Variants in MSI2 observed in about 807,000 individuals in gnomAD.
MSI2 encodes RNA-binding protein Musashi homolog 2.
A neutral mutation model predicts 45.6 loss-of-function variants in MSI2; 17 were observed. The observed-to-expected ratio is 0.37, with a 90% CI of 0.26 to 0.56. The LOEUF is 0.56. MSI2 is among the 20% of genes least tolerant of loss of function. The pLI is 0.77. For synonymous variants in MSI2, 156 were observed against 158.2 expected (o/e 0.99, Z 0.11); for missense variants, 293 against 444.2 (o/e 0.66, Z 3.06).
chr17:57,264,040 A>G (rs1907552974), intron 5 of MSI2: 1 of 152,214 alleles, frequency 6.6e-6, no homozygotes, highest in Non-Finnish European at 1.5e-5. Flanking sequence ...GCTCATCTGT[A>G]AAGTAGGAGT....
At position 57,682,620 on chromosome 17, in the gene MSI2, A is replaced by G. The variant is rs201154481; in HGVS notation, c.*3103A>G. ...GTTTAAGGTTCACGTTAGTCCCCCCATTCCATCTAGAAGTCCATTTTGAAA... is the reference window on the plus strand; with the variant it reads ...GTTTAAGGTTCACGTTAGTCCCCCCGTTCCATCTAGAAGTCCATTTTGAAA... On this transcript the variant is annotated 3_prime_UTR_variant, in exon 14 of 14. Coordinates refer to ENST00000284073, the MANE Select transcript of MSI2 (RefSeq NM_138962.4). 1 of 212,588 alleles carries G rather than the reference A, an allele frequency of 4.7e-6. No individual in the cohort carries two copies. The highest frequency in any genetic ancestry group is 2.3e-5 in the African/African-American group (1 of 44,102). 13.2% of individuals were successfully genotyped at this position (212,588 alleles called of 1,614,324 possible). A position where few individuals can be genotyped will look rare whatever the true frequency, so the allele number is the denominator to read the frequency against.
At chr17:57,494,829 C>G (rs556869916) in intron 6 of MSI2, among the ~76,000 whole-genome samples, 1 of 151,982 alleles carries the variant, frequency 6.6e-6, no homozygotes, top group Non-Finnish European at 1.5e-5. Flanking sequence ...ATGCTGGACA[C>G]CAGGGATAAA....
chr17:57,286,095 T>A, intron 5 of MSI2: 1 of 948,224 alleles, frequency 1.1e-6, no homozygotes, highest in Non-Finnish European at 1.5e-6. Context: ...TCTTTATTTT[T>A]TCTTTCTTTC....
intron 5 of MSI2, among the ~76,000 whole-genome samples, chr17:57,304,024 C>T (rs995414033): frequency 2.0e-5 from 3 of 151,956 alleles, no homozygotes; most frequent in East Asian, 1.9e-4. Flanking sequence ...GAGCTTTATC[C>T]AAAGGGGAAC....
chr17:57,322,543 T>C (rs1913433796), intron 5 of MSI2, among the ~76,000 whole-genome samples: 1 of 149,964 alleles, frequency 6.7e-6, no homozygotes, highest in Admixed American at 6.6e-5. Flanking sequence ...AATAACAGCA[T>C]AGAAATAAAA....
Position 57,647,638 on chromosome 17 carries a change from A to AT in MSI2, c.728-4453dup, listed in dbSNP as rs201259700. ...CATCACAATGGCAGGTGTCACCAAC[A>AT]TTTTTTTTCTTTTTTTTTTTCTTCG... On this transcript the variant is annotated intron_variant, in intron 10 of 13. Coordinates refer to ENST00000284073, the MANE Select transcript of MSI2 (RefSeq NM_138962.4). Among the ~76,000 whole-genome samples the AT allele has an allele frequency of 1.2e-3, 179 of 148,672 alleles. 3 individuals are homozygous for AT. In the East Asian group the frequency reaches 0.03, roughly 25 times the overall value.
chr17:57,298,806 A>G (rs983559030), intron 5 of MSI2, among the ~76,000 whole-genome samples: 1 of 152,188 alleles, frequency 6.6e-6, no homozygotes, highest in Non-Finnish European at 1.5e-5. Context: ...CACCAGTTGT[A>G]TTAGCCCCTA....
chr17:57,326,077 T>C (rs2143698745), intron 5 of MSI2, among the ~76,000 whole-genome samples: 1 of 152,274 alleles, frequency 6.6e-6, no homozygotes, highest in East Asian at 1.9e-4. Flanking sequence ...TAGCAAAACA[T>C]TTCCCGTCAC....
At chr17:57,453,726 C>G (rs1053509703) in intron 6 of MSI2, among the ~76,000 whole-genome samples, 1 of 152,314 alleles carries the variant, frequency 6.6e-6, no homozygotes, top group Non-Finnish European at 1.5e-5. Context: ...TATCCTACTG[C>G]TCAAGGTCAT....
Position 57,280,928 on chromosome 17 carries a change from A to C in MSI2, c.312+18736A>C, listed in dbSNP as rs1021244669. On this transcript the variant is annotated intron_variant, in intron 5 of 13. Coordinates refer to ENST00000284073, the MANE Select transcript of MSI2 (RefSeq NM_138962.4). This position sits in a 1 kb window ranked among gnomAD's most constrained non-coding sequence, Gnocchi z 4.2. ...AATGAGTTTTAGGGTGGGGGTGGCC[A>C]GGTCAGATGGGTGTTGGGGAAAGAG... Among the ~76,000 whole-genome samples, 2 of 152,058 alleles carry C rather than the reference A, an allele frequency of 1.3e-5. No homozygotes were observed. Among genetic ancestry groups the C allele is most frequent in the Non-Finnish European group, 2.9e-5 (2 of 68,008 alleles).
At chr17:57,636,280 G>T (rs1909829823) in intron 10 of MSI2, among the ~76,000 whole-genome samples, 1 of 152,134 alleles carries the variant, frequency 6.6e-6, no homozygotes, top group African/African-American at 2.4e-5. Context: ...CATAGGCAAG[G>T]GGCTGCATCC....
chr17:57,383,101 C>T (rs1175092519), intron 5 of MSI2, among the ~76,000 whole-genome samples: 1 of 152,130 alleles, frequency 6.6e-6, no homozygotes, highest in Admixed American at 6.5e-5. Flanking sequence ...GCTTCATTTC[C>T]CAGCAAGGAC....
chr17:57,595,559 G>A (rs896698839), intron 7 of MSI2, among the ~76,000 whole-genome samples: 1 of 152,208 alleles, frequency 6.6e-6, no homozygotes, highest in South Asian at 2.1e-4. Flanking sequence ...CTGCCTTCCT[G>A]TTGCATCCTC....
chr17:57,483,836 A>G (rs2085698002), intron 6 of MSI2, among the ~76,000 whole-genome samples: 1 of 152,182 alleles, frequency 6.6e-6, no homozygotes. Context: ...GCCCCCAGGC[A>G]GCAGATGGGA....
chr17:57,322,101 G>A (rs1351061128), intron 5 of MSI2, among the ~76,000 whole-genome samples: 2 of 152,178 alleles, frequency 1.3e-5, no homozygotes, highest in East Asian at 3.9e-4. Context: ...CCAGGCCTTG[G>A]GTTTAAATTT....
At chr17:57,453,993 G>T (rs1439289536) in intron 6 of MSI2, among the ~76,000 whole-genome samples, 1 of 152,206 alleles carries the variant, frequency 6.6e-6, no homozygotes, top group African/African-American at 2.4e-5. Context: ...AGAAAGGGCT[G>T]CATGACCCTG....
intron 5 of MSI2, among the ~76,000 whole-genome samples, chr17:57,321,751 A>G (rs959350827): frequency 6.6e-6 from 1 of 152,184 alleles, no homozygotes; most frequent in Non-Finnish European, 1.5e-5. Context: ...ACAGCCTCCA[A>G]AGAAATCCTT....
At chr17:57,432,507 G>A (rs1207393736) in intron 6 of MSI2, 2 of 152,382 alleles carry the variant, frequency 1.3e-5, no homozygotes, top group East Asian at 3.9e-4. Flanking sequence ...TCCTTGGGAT[G>A]AGATGCTAGC....
chr17:57,546,804 G>A (rs1343118781), intron 7 of MSI2, among the ~76,000 whole-genome samples: 1 of 152,218 alleles, frequency 6.6e-6, no homozygotes, highest in Non-Finnish European at 1.5e-5. Flanking sequence ...AGGCTCTGGG[G>A]CTTCATGCTC....
Sources: allele counts gnomAD v4.1 joint callset (sites outside exome capture counted in the v4.1 genomes callset), GRCh38; gene constraint gnomAD v4.1.1; non-coding constraint Gnocchi (gnomAD v3.1); transcripts MANE v1.5; gene names NCBI Gene and HGNC (gene_info 2026-07-23, HGNC 2026-07-21).